NIFK: variants seen among roughly 807,000 people sequenced by gnomAD.
NIFK encodes the protein MKI67 FHA domain-interacting nucleolar phosphoprotein.
Under a neutral mutation model 31.7 loss-of-function variants are expected in NIFK, and 16 were observed. The ratio of observed to expected loss-of-function variants is 0.50; its 90% CI spans 0.34 to 0.77. The LOEUF is 0.77. Ranked by LOEUF, NIFK falls within the 30% of genes least tolerant of loss-of-function variation. The probability of loss-of-function intolerance (pLI) is 0.01; values close to 1 mark genes in which losing one functional copy is unlikely to be tolerated. For missense variants in NIFK, 341 were observed against 350.4 expected, an observed-to-expected ratio of 0.97 and a Z score of 0.21; for synonymous variants, 126 against 123.0, an observed-to-expected ratio of 1.02 and a Z score of -0.16.
chr2:121,730,437 A>T (rs991471116), intron 4 of NIFK: 2 of 159,450 alleles, frequency 1.3e-5, no homozygotes, highest in African/African-American at 4.8e-5. Context: ...AGGCTGAGGC[A>T]GAAGAATCGC....
intron 3 of NIFK, 93 bp downstream of exon 3, chr2:121,732,003 T>C (rs2074544146): frequency 1.4e-6 from 1 of 726,470 alleles, no homozygotes; most frequent in Non-Finnish European, 2.5e-6. Context: ...TGAAGTGGCA[T>C]GTCCAAGCAG....
At chr2:121,733,679 G>A (rs987290080) in intron 2 of NIFK, among the ~76,000 whole-genome samples, 4 of 151,120 alleles carry the variant, frequency 2.6e-5, no homozygotes, top group Non-Finnish European at 5.9e-5. Flanking sequence ...AGACTCCGTC[G>A]CAAACAAAAC....
At position 121,727,520 on chromosome 2, in the gene NIFK, C is replaced by G. The variant is rs2074499832; in HGVS notation, c.*204G>C. On this transcript the variant is annotated 3_prime_UTR_variant, in exon 7 of 7. Transcript: ENST00000285814. ...GGACAAAGAGGCAATGTCAGCCAAG[C>G]CACTGCAAGATGGTATGCACCCCTG... 2 of 703,240 alleles carry G rather than the reference C, an allele frequency of 2.8e-6. No homozygotes were observed. Among genetic ancestry groups the G allele is most frequent in the South Asian group, 3.0e-5 (2 of 66,616 alleles). 43.6% of individuals were successfully genotyped at this position (703,240 alleles called of 1,614,324 possible).
chr2:121,734,155 G>A (rs1350934431), intron 2 of NIFK, among the ~76,000 whole-genome samples: 1 of 151,780 alleles, frequency 6.6e-6, no homozygotes, highest in Non-Finnish European at 1.5e-5. Flanking sequence ...AATTAGCCAG[G>A]TGCAGTGGCC....
chr2:121,732,270 A>G (rs918561777), intron 2 of NIFK, 66 bp from the exon 3 acceptor site: 1 of 922,316 alleles, frequency 1.1e-6, no homozygotes, highest in African/African-American at 1.6e-5. Flanking sequence ...AAATTCCTAA[A>G]ATGCCATTAT....
chr2:121,732,144 C>T lies in NIFK; in HGVS notation c.304G>A (p.Val102Ile), dbSNP rs761741319. 1.2e-6 allele frequency: 2 copies of T among 1,613,576 alleles called. No homozygotes were observed. The highest frequency in any genetic ancestry group is 1.7e-6 in the Non-Finnish European group (2 of 1,179,502). The change falls in exon 3 of 7, where the codon GTT (valine) becomes ATT (isoleucine). Residue 102 changes from valine to isoleucine, a missense_variant. Physicochemically the swap from Val to Ile is conservative, Grantham distance 29. Coordinates refer to ENST00000285814, the MANE Select transcript of NIFK (RefSeq NM_032390.5). ...AGGTAGTTGTTCATTGTTTCAGCAA[C>T]TATTTTGGCAACATCCTCAGACTCA... ...EFESEDVAKI[V>I]AETMNNYLFG...
chr2:121,729,310 G>A (rs2074519093), intron 4 of NIFK, among the ~76,000 whole-genome samples: 1 of 150,194 alleles, frequency 6.7e-6, no homozygotes, highest in African/African-American at 2.5e-5. Context: ...GGAGGTTGCA[G>A]TGAGCTGAGA....
chr2:121,735,056 A>T (rs1297918735), intron 2 of NIFK, among the ~76,000 whole-genome samples: 1 of 152,222 alleles, frequency 6.6e-6, no homozygotes, highest in African/African-American at 2.4e-5. Flanking sequence ...GCGTTTTCTC[A>T]TTAGAAGGCA....
In NIFK at chr2:121,728,327, T is replaced by G; in HGVS notation, c.654A>C (p.Ser218=). The G allele has an allele frequency of 6.2e-7, 1 of 1,608,286 alleles. No homozygotes were observed. Among genetic ancestry groups the G allele is most frequent in the Non-Finnish European group, 8.5e-7 (1 of 1,176,836 alleles). ...TCTTCTCAGGAGTGTCAAGAGTACC[T>G]GAAACTTTTTTCTTCTTCTTACGTA... The part of the protein sequence containing the change: ...QVLRKKKKKV[S]GTLDTPEKTV... The change falls in exon 6 of 7, where the codon TCA becomes TCC. Residue 218 remains serine, a synonymous_variant. Transcript: ENST00000285814.
intron 2 of NIFK, among the ~76,000 whole-genome samples, chr2:121,734,992 G>A (rs367543626): frequency 3.9e-5 from 6 of 152,094 alleles, no homozygotes; most frequent in South Asian, 4.1e-4. Flanking sequence ...GTTTATGTGC[G>A]GGGAAAGAAA....
chr2:121,727,591 T>C lies in NIFK; in HGVS notation c.*133A>G. ...AATCCAAAATTACACACTGCTTTCC[T>C]TAACTTGACCAAACAGTGTATTTTT... is the stretch of plus-strand genomic sequence containing the variant. On this transcript the variant is annotated 3_prime_UTR_variant, in exon 7 of 7. Coordinates refer to ENST00000285814, the MANE Select transcript of NIFK (RefSeq NM_032390.5). The C allele has an allele frequency of 1.2e-6, 1 of 819,856 alleles. No homozygotes were observed. The highest frequency in any genetic ancestry group is 2.0e-6 in the Non-Finnish European group (1 of 490,758). 50.8% of individuals were successfully genotyped at this position (819,856 alleles called of 1,614,324 possible).
intron 4 of NIFK, 181 bp from the exon 5 acceptor site, chr2:121,728,717 T>G: frequency 2.0e-6 from 1 of 507,750 alleles, no homozygotes; most frequent in Non-Finnish European, 3.4e-6. Flanking sequence ...AAAAACCCAG[T>G]AGAGGAATTG....
At chr2:121,732,277 T>C (rs755272829) in intron 2 of NIFK, 73 bp from the exon 3 acceptor site, 19 of 859,816 alleles carry the variant, frequency 2.2e-5, no homozygotes, top group Non-Finnish European at 2.2e-5. Flanking sequence ...TAAAATGCCA[T>C]TATTTTAAAT....
At chr2:121,735,083 T>C (rs914699514) in intron 2 of NIFK, among the ~76,000 whole-genome samples, 1 of 152,226 alleles carries the variant, frequency 6.6e-6, no homozygotes, top group Admixed American at 6.5e-5. Context: ...ACACAAATAG[T>C]AATTATACTT....
rs145597079 is a variant in NIFK, at chr2:121,730,725, TCCCAACTACTTGGGAG to T, written c.564+152_564+167del. On this transcript the variant is annotated intron_variant, in intron 4 of 6. Coordinates refer to ENST00000285814, the MANE Select transcript of NIFK (RefSeq NM_032390.5). ...CAGACGTGGTGGTGTGCACCTGTAA[TCCCAACTACTTGGGAG>T]GCTAGAGGCAGGAGAATTGCTTGAA... 3,015 of 607,724 alleles carry T rather than the reference TCCCAACTACTTGGGAG, an allele frequency of 5.0e-3. 63 individuals carry two copies. Among genetic ancestry groups the T allele is most frequent in the African/African-American group, 0.047 (2,521 of 53,994 alleles). 37.6% of individuals were successfully genotyped at this position (607,724 alleles called of 1,614,324 possible). A position where few individuals can be genotyped will look rare whatever the true frequency, so the allele number is the denominator to read the frequency against.
chr2:121,729,444 T>C (rs1229546863), intron 4 of NIFK, among the ~76,000 whole-genome samples: 1 of 152,036 alleles, frequency 6.6e-6, no homozygotes, highest in Non-Finnish European at 1.5e-5. Context: ...ATTCTTGATC[T>C]ATAATAAAAG....
At chr2:121,735,806 A>G in intron 1 of NIFK, 56 bp from the exon 2 acceptor site, 3 of 1,469,230 alleles carry the variant, frequency 2.0e-6, no homozygotes, top group Non-Finnish European at 2.8e-6. Flanking sequence ...TCACATTGTA[A>G]CAAAACCCCT....
rs7599247 is a variant in NIFK at position 121,731,130 on chromosome 2, A to C, written c.353-26T>G. On this transcript the variant is annotated intron_variant, in intron 3 of 6. Coordinates refer to ENST00000285814, the MANE Select transcript of NIFK (RefSeq NM_032390.5). ...CTATTTTCAAAAAGAAAAAAACATAAAGGTATTTTAATGTTAACTTTAGAA... is the reference window on the plus strand; with the variant it reads ...CTATTTTCAAAAAGAAAAAAACATACAGGTATTTTAATGTTAACTTTAGAA... The C allele has an allele frequency of 2.7e-3, 3,693 of 1,346,850 alleles. 92 individuals carry two copies. The African/African-American group carries it at 0.048, about 17-fold the overall frequency. The allele number at this position is 1,346,850 out of a possible 1,614,324, so 83.4% of individuals were successfully genotyped here.
intron 2 of NIFK, among the ~76,000 whole-genome samples, chr2:121,734,763 C>T (rs2074567722): frequency 6.6e-6 from 1 of 152,062 alleles, no homozygotes. Context: ...CACTGCACTC[C>T]AGCCCGGGCG....
Sources: allele counts gnomAD v4.1 joint callset (sites outside exome capture counted in the v4.1 genomes callset), GRCh38; gene constraint gnomAD v4.1.1; transcripts MANE v1.5; gene names NCBI Gene and HGNC (gene_info 2026-07-23, HGNC 2026-07-21).